Variants in CEP70 observed in about 807,000 individuals in gnomAD.
The protein encoded by CEP70 is centrosomal protein of 70 kDa.
Under a neutral mutation model 90.9 loss-of-function variants are expected in CEP70, and 70 were observed. The observed-to-expected ratio is 0.77, with a 90% CI of 0.64 to 0.94. The LOEUF (loss-of-function observed/expected upper bound fraction) is 0.94. Ranked by LOEUF, CEP70 falls within the 40% of genes least tolerant of loss-of-function variation. The probability of loss-of-function intolerance (pLI) is 0.00; values close to 1 mark genes in which losing one functional copy is unlikely to be tolerated. For missense variants in CEP70, 648 were observed against 669.0 expected, an observed-to-expected ratio of 0.97 and a Z score of 0.35; for synonymous variants, 220 against 228.3, an observed-to-expected ratio of 0.96 and a Z score of 0.33.
At chr3:138,500,254 A>G in intron 15 of CEP70, 30 bp from the exon 16 acceptor site, 1 of 1,572,872 alleles carries the variant, frequency 6.4e-7, no homozygotes, top group Non-Finnish European at 8.7e-7. Flanking sequence ...GGATATTTTA[A>G]CAGAGAATTT....
intron 2 of CEP70, among the ~76,000 whole-genome samples, chr3:138,588,852 C>A (rs774094727): frequency 6.6e-6 from 1 of 152,194 alleles, no homozygotes; most frequent in South Asian, 2.1e-4. Flanking sequence ...AGCAGGTGAA[C>A]AGACACACAA....
chr3:138,570,500 T>C lies in CEP70; in HGVS notation c.285-2A>G, dbSNP rs1158315391. The C allele has an allele frequency of 1.9e-6, 3 of 1,601,834 alleles. No homozygotes were observed. The highest frequency in any genetic ancestry group is 8.5e-7 in the Non-Finnish European group (1 of 1,175,758). ...CTTTGCTCTAGCTGAAGTTCATTTC[T>C]AAGTTAATAGACATACAATTTCTTC... On this transcript the variant is annotated splice_acceptor_variant, in intron 5 of 17. Transcript: ENST00000264982. LOFTEE classifies it high-confidence loss of function.
intron 7 of CEP70, among the ~76,000 whole-genome samples, chr3:138,536,259 C>T (rs972381554): frequency 1.3e-5 from 2 of 151,808 alleles, no homozygotes; most frequent in African/African-American, 4.8e-5. Flanking sequence ...AATCAATTAC[C>T]TATAGGGGAG....
intron 6 of CEP70, among the ~76,000 whole-genome samples, chr3:138,556,157 AG>A (rs767077206): frequency 6.6e-6 from 1 of 152,198 alleles, no homozygotes; most frequent in East Asian, 1.9e-4. Context: ...TTCTAAGTGA[AG>A]TAACTCAGGA....
intron 6 of CEP70, among the ~76,000 whole-genome samples, chr3:138,541,243 G>C (rs75036170): frequency 2.0e-5 from 3 of 152,008 alleles, no homozygotes; most frequent in Non-Finnish European, 4.4e-5. Context: ...TAATAAATAA[G>C]TACATTCTCA....
chr3:138,563,251 G>A (rs1161429217), intron 6 of CEP70, among the ~76,000 whole-genome samples: 3 of 151,976 alleles, frequency 2.0e-5, no homozygotes, highest in East Asian at 3.9e-4. Context: ...AATAATAGTG[G>A]GAGACTTTAA....
At chr3:138,574,464 G>A (rs940553188) in intron 2 of CEP70, among the ~76,000 whole-genome samples, 1 of 152,198 alleles carries the variant, frequency 6.6e-6, no homozygotes. Context: ...AGAGCCCACC[G>A]CAGCTCAAAG....
In CEP70 at chr3:138,494,948, G is replaced by C. The variant is rs2033864857; in HGVS notation, c.*67C>G. The C allele has an allele frequency of 2.3e-6, 2 of 888,578 alleles. No homozygotes were observed. The highest frequency in any genetic ancestry group is 2.2e-5 in the Admixed American group (1 of 45,324). 55.0% of individuals were successfully genotyped at this position (888,578 alleles called of 1,614,324 possible). ...TTTTACAACCCTTGTCTCAAAATAAGATCAATCCTACAAAATACAAAATGT... is the reference window on the plus strand; with the variant it reads ...TTTTACAACCCTTGTCTCAAAATAACATCAATCCTACAAAATACAAAATGT... On this transcript the variant is annotated 3_prime_UTR_variant, in exon 18 of 18. Transcript: ENST00000264982.
At chr3:138,534,963 T>G (rs1444434141) in intron 7 of CEP70, among the ~76,000 whole-genome samples, 1 of 152,188 alleles carries the variant, frequency 6.6e-6, no homozygotes, top group Non-Finnish European at 1.5e-5. Context: ...TCATTAGCCC[T>G]CTACTACTAC....
intron 11 of CEP70, among the ~76,000 whole-genome samples, chr3:138,520,186 G>C (rs1317388450): frequency 6.6e-6 from 1 of 152,118 alleles, no homozygotes; most frequent in East Asian, 1.9e-4. Context: ...CATAAAGCAA[G>C]TCCTTAGAGA....
Position 138,591,928 on chromosome 3 carries a change from G to A in CEP70, c.-80C>T, listed in dbSNP as rs1309029785. 8.8e-6 allele frequency: 11 copies of A among 1,253,662 alleles called. No individual in the cohort carries two copies. Among genetic ancestry groups the A allele is most frequent in the African/African-American group, 4.6e-5 (3 of 64,534 alleles). The allele number at this position is 1,253,662 out of a possible 1,614,324, so 77.7% of individuals were successfully genotyped here. On this transcript the variant is annotated 5_prime_UTR_variant, in exon 2 of 18. Coordinates refer to ENST00000264982, the MANE Select transcript of CEP70 (RefSeq NM_024491.4). ...GATCTCAATGAAATGATCACCCAACGAGTCTCATGTCTGAAACTGGATCTT... is the reference window on the plus strand; with the variant it reads ...GATCTCAATGAAATGATCACCCAACAAGTCTCATGTCTGAAACTGGATCTT...
At chr3:138,527,093 CAGT>C (rs1299642845) in intron 10 of CEP70, among the ~76,000 whole-genome samples, 1 of 152,086 alleles carries the variant, frequency 6.6e-6, no homozygotes, top group African/African-American at 2.4e-5. Flanking sequence ...GAAAGCAAAT[CAGT>C]GGTTGTCTCA....
At chr3:138,558,229 C>CTGG (rs372843070) in intron 6 of CEP70, among the ~76,000 whole-genome samples, 251 of 152,194 alleles carry the variant, frequency 1.6e-3, no homozygotes, top group African/African-American at 5.7e-3. Context: ...ACTGGGCGTG[C>CTGG]TGGTGCACAC....
At chr3:138,576,692 T>A (rs2041548331) in intron 2 of CEP70, among the ~76,000 whole-genome samples, 1 of 152,124 alleles carries the variant, frequency 6.6e-6, no homozygotes, top group Admixed American at 6.5e-5. Context: ...AATTGACCAC[T>A]TAGTTGGAAG....
chr3:138,581,707 A>C (rs2041868602), intron 2 of CEP70, among the ~76,000 whole-genome samples: 2 of 151,372 alleles, frequency 1.3e-5, no homozygotes, highest in Non-Finnish European at 2.9e-5. Context: ...AAAAAAAAAA[A>C]AAAAAAAAGA....
chr3:138,564,387 A>G (rs989743071), intron 6 of CEP70, among the ~76,000 whole-genome samples: 1 of 152,226 alleles, frequency 6.6e-6, no homozygotes, highest in Admixed American at 6.5e-5. Flanking sequence ...TGGCAGAGAC[A>G]CAACAAAAAC....
rs112431414 is a variant in CEP70 at position 138,523,511 on chromosome 3, G to A, written c.944+1979C>T. On this transcript the variant is annotated intron_variant, in intron 11 of 17. Transcript: ENST00000264982. ...AGCCCAAAATCTCCTTAAGCTGATA[G>A]GCAACTTCAGCAAAGTCTCAGGATA... is the stretch of plus-strand genomic sequence containing the variant. Among the ~76,000 whole-genome samples, 72 of 152,026 alleles carry A rather than the reference G, an allele frequency of 4.7e-4. 1 individual carries two copies. The highest frequency in any genetic ancestry group is 1.0e-3 in the African/African-American group (43 of 41,466).
chr3:138,495,558 A>G (rs2033899365), intron 17 of CEP70, among the ~76,000 whole-genome samples: 1 of 152,206 alleles, frequency 6.6e-6, no homozygotes, highest in Non-Finnish European at 1.5e-5. Flanking sequence ...TCTAAGATGA[A>G]AGGTATCTGC....
chr3:138,537,001 CAAAAAAAAAA>C (rs57447148), intron 7 of CEP70, 167 bp downstream of exon 7: 1 of 242,056 alleles, frequency 4.1e-6, no homozygotes, highest in East Asian at 5.8e-5. Context: ...ACCTCTAGAA[CAAAAAAAAAA>C]AAAAAAAAGA....
Sources: allele counts gnomAD v4.1 joint callset (sites outside exome capture counted in the v4.1 genomes callset), GRCh38; gene constraint gnomAD v4.1.1; transcripts MANE v1.5; gene names NCBI Gene and HGNC (gene_info 2026-07-23, HGNC 2026-07-21).